The following SNAP23 variants were observed in gnomAD, a reference collection of about 807,000 sequenced individuals.
SNAP23 encodes synaptosomal-associated protein 23.
A neutral mutation model predicts 29.0 loss-of-function variants in SNAP23; 11 were observed. The ratio of observed to expected loss-of-function variants is 0.38; its 90% confidence interval spans 0.24 to 0.63. The LOEUF is 0.63. Among genes scored for constraint, SNAP23 ranks in the 20% least tolerant of loss-of-function variants. SNAP23 has a pLI of 0.58. For missense variants in SNAP23, 220 were observed against 253.9 expected (o/e 0.87, Z 0.91); for synonymous variants, 60 against 82.9 (o/e 0.72, Z 1.50).
Position 42,530,892 on chromosome 15 carries a change from G to A in SNAP23, c.571-521G>A, listed in dbSNP as rs535372480. On this transcript the variant is annotated intron_variant, in intron 7 of 7. Transcript: ENST00000249647. ...TTCACAAGATGCTTTAAATGCTGCA[G>A]TCTGGGTTTAGGCTATATTTACCTG... 5.9e-5 allele frequency among the ~76,000 whole-genome samples: 9 copies of A among 152,336 alleles called. No homozygotes were observed. In the South Asian group the frequency reaches 1.9e-3, roughly 32 times the overall value.
intron 3 of SNAP23, 135 bp from the exon 4 acceptor site, chr15:42,513,264 A>T: frequency 1.2e-6 from 1 of 840,554 alleles, no homozygotes; most frequent in East Asian, 2.5e-5. Context: ...TAGTTTAAGA[A>T]TACTAGTTCT....
At chr15:42,528,941 A>G (rs761892803) in intron 6 of SNAP23, among the ~76,000 whole-genome samples, 1 of 152,166 alleles carries the variant, frequency 6.6e-6, no homozygotes, top group Non-Finnish European at 1.5e-5. Context: ...ACTTTTCTTT[A>G]TACTTTTCAG....
intron 7 of SNAP23, 29 bp from the exon 8 acceptor site, chr15:42,531,384 G>C: frequency 6.8e-7 from 1 of 1,472,714 alleles, no homozygotes; most frequent in Non-Finnish European, 9.1e-7. Flanking sequence ...TACTTACCTT[G>C]TAAAGCTGAT....
chr15:42,517,166 C>T (rs1034716856), intron 5 of SNAP23, among the ~76,000 whole-genome samples: 10 of 152,154 alleles, frequency 6.6e-5, no homozygotes, highest in Admixed American at 3.3e-4. Flanking sequence ...GTGATCTGCC[C>T]GCCTCTGCCT....
chr15:42,528,730 T>G (rs1220108599), intron 6 of SNAP23, among the ~76,000 whole-genome samples: 1 of 152,060 alleles, frequency 6.6e-6, no homozygotes, highest in East Asian at 1.9e-4. Flanking sequence ...GGACTACAGG[T>G]GTGCGCCACC....
rs1448774371 is a variant in SNAP23, at chr15:42,517,702, G to A, written c.266+2348G>A. On this transcript the variant is annotated intron_variant, in intron 5 of 7. Transcript: ENST00000249647. ...AACCTCAGTAGAACCCTTTCTCAGTGGATCAAGAGAAGGCATTACTTTTTT... is the reference window on the plus strand; with the variant it reads ...AACCTCAGTAGAACCCTTTCTCAGTAGATCAAGAGAAGGCATTACTTTTTT... Among the ~76,000 whole-genome samples the A allele has an allele frequency of 2.6e-5, 4 of 152,130 alleles. No homozygotes were observed. The East Asian group carries it at 5.8e-4, about 22-fold the overall frequency.
Position 42,531,400 on chromosome 15 carries a change from T to C in SNAP23, c.571-13T>C. 1.3e-6 allele frequency: 2 copies of C among 1,531,296 alleles called. No homozygotes were observed. The highest frequency in any genetic ancestry group is 1.8e-6 in the Non-Finnish European group (2 of 1,142,492). The allele number at this position is 1,531,296 out of a possible 1,614,324, so 94.9% of individuals were successfully genotyped here. On this transcript the variant is annotated splice_polypyrimidine_tract_variant and intron_variant, in intron 7 of 7. Transcript: ENST00000249647. ...ACTTACCTTGTAAAGCTGATATCTT[T>C]CTTGTTTTTCAGGCTGACACCAACA...
intron 5 of SNAP23, among the ~76,000 whole-genome samples, chr15:42,520,648 C>T (rs1595526541): frequency 6.6e-6 from 1 of 152,228 alleles, no homozygotes; most frequent in East Asian, 1.9e-4. Flanking sequence ...GCGCCCGCCA[C>T]CACACCTGGC....
chr15:42,521,690 G>A (rs1225663141), intron 5 of SNAP23: 1 of 1,003,014 alleles, frequency 1.0e-6, no homozygotes, highest in South Asian at 1.4e-5. Flanking sequence ...AGTTTGGGCT[G>A]CTAACCTGCT....
chr15:42,524,347 A>G (rs112012735), intron 5 of SNAP23, among the ~76,000 whole-genome samples: 3 of 152,120 alleles, frequency 2.0e-5, no homozygotes, highest in East Asian at 1.9e-4. Flanking sequence ...CCTACTATCT[A>G]TGTGTTCTAC....
intron 5 of SNAP23, among the ~76,000 whole-genome samples, chr15:42,520,303 C>T (rs1411233701): frequency 6.6e-6 from 1 of 152,032 alleles, no homozygotes; most frequent in Admixed American, 6.6e-5. Context: ...TCCACCTCGG[C>T]CTCCCAAAGT....
chr15:42,508,242 G>A (rs1684498407), intron 1 of SNAP23, among the ~76,000 whole-genome samples: 1 of 145,970 alleles, frequency 6.9e-6, no homozygotes, highest in Admixed American at 6.9e-5. Flanking sequence ...CAACCTGGAT[G>A]ACAGAGTGAA....
At chr15:42,505,923 C>T (rs887030631) in intron 1 of SNAP23, among the ~76,000 whole-genome samples, 2 of 150,462 alleles carry the variant, frequency 1.3e-5, no homozygotes, top group South Asian at 2.1e-4. Flanking sequence ...TTCCTTCTTT[C>T]TTTTCTTTTC....
intron 5 of SNAP23, among the ~76,000 whole-genome samples, chr15:42,524,726 T>C (rs182822900): frequency 6.6e-6 from 1 of 152,346 alleles, no homozygotes; most frequent in East Asian, 1.9e-4. Context: ...TGGAAGGTAT[T>C]ACCTTTAAAG....
chr15:42,528,154 T>A, intron 5 of SNAP23, 108 bp from the exon 6 acceptor site: 2 of 716,168 alleles, frequency 2.8e-6, no homozygotes, highest in Non-Finnish European at 4.3e-6. Context: ...TGTATGCAGC[T>A]TTTCTACTAG....
chr15:42,504,150 T>G (rs1377526796), intron 1 of SNAP23, among the ~76,000 whole-genome samples: 1 of 150,486 alleles, frequency 6.6e-6, no homozygotes, highest in Non-Finnish European at 1.5e-5. Context: ...GGCAACATAG[T>G]GAGACCCTGC....
chr15:42,524,341 C>A (rs1209519388), intron 5 of SNAP23, among the ~76,000 whole-genome samples: 1 of 152,126 alleles, frequency 6.6e-6, no homozygotes, highest in African/African-American at 2.4e-5. Flanking sequence ...GTGCAGCCTA[C>A]TATCTATGTG....
chr15:42,520,993 AAT>A (rs2057444399), intron 5 of SNAP23, among the ~76,000 whole-genome samples: 1 of 152,240 alleles, frequency 6.6e-6, no homozygotes, highest in East Asian at 1.9e-4. Flanking sequence ...AATTAAAATG[AAT>A]ATTGAATTAT....
At chr15:42,500,229 G>A (rs1206729393) in intron 1 of SNAP23, among the ~76,000 whole-genome samples, 1 of 119,656 alleles carries the variant, frequency 8.4e-6, no homozygotes, top group African/African-American at 3.2e-5. Flanking sequence ...CTGTTTTTGA[G>A]CTATGTTTGT....
Sources: gnomAD v4.1 joint callset for allele counts (sites outside exome capture counted in the v4.1 genomes callset) on GRCh38, gnomAD v4.1.1 for gene constraint, MANE v1.5 for transcripts, NCBI Gene and HGNC (gene_info 2026-07-23, HGNC 2026-07-21) for gene names.